The following PTPRD variants were observed in gnomAD, a reference collection of about 807,000 sequenced individuals.
PTPRD encodes receptor-type tyrosine-protein phosphatase delta.
A neutral mutation model predicts 214.5 loss-of-function variants in PTPRD; 34 were observed. The observed-to-expected ratio is 0.16, with a 90% CI of 0.12 to 0.21. The LOEUF (loss-of-function observed/expected upper bound fraction) is 0.21. Among genes scored for constraint, PTPRD ranks in the 10% least tolerant of loss-of-function variants. PTPRD has a pLI of 1.00. For missense variants in PTPRD, 2,545 were observed against 2,398.7 expected (o/e 1.06, Z -1.27); for synonymous variants, 1,128 against 845.7 (o/e 1.33, Z -5.79).
intron 7 of PTPRD, among the ~76,000 whole-genome samples, chr9:9,641,508 A>C (rs891574298): frequency 1.3e-5 from 2 of 152,180 alleles, no homozygotes; most frequent in African/African-American, 4.8e-5. Context: ...GGAAAGTACC[A>C]TAGTGTGTCA....
intron 11 of PTPRD, among the ~76,000 whole-genome samples, chr9:8,888,280 A>G (rs1221972808): frequency 6.6e-6 from 1 of 152,190 alleles, no homozygotes; most frequent in Non-Finnish European, 1.5e-5. Context: ...ACATAGTAAT[A>G]CCGTTCATTT....
At chr9:10,222,959 G>C (rs968865036) in intron 3 of PTPRD, among the ~76,000 whole-genome samples, 1 of 152,028 alleles carries the variant, frequency 6.6e-6, no homozygotes, top group African/African-American at 2.4e-5. Context: ...GTCAGAAGAG[G>C]TGTTGAGGTT....
chr9:8,924,623 C>CCTCT (rs2098854554), intron 11 of PTPRD, among the ~76,000 whole-genome samples: 1 of 152,000 alleles, frequency 6.6e-6, no homozygotes, highest in African/African-American at 2.4e-5. Flanking sequence ...TCCATGGAGG[C>CCTCT]CTCTCCATCA....
chr9:10,289,232 A>G (rs2095458137), intron 3 of PTPRD, among the ~76,000 whole-genome samples: 1 of 152,126 alleles, frequency 6.6e-6, no homozygotes, highest in African/African-American at 2.4e-5. Context: ...TTCATATACT[A>G]TGTATTATTT....
Position 10,412,633 on chromosome 9 carries a change from A to AAC in PTPRD, c.-599-71618_-599-71617dup, listed in dbSNP as rs150312961. On this transcript the variant is annotated intron_variant, in intron 2 of 45. Coordinates refer to ENST00000381196, the MANE Select transcript of PTPRD (RefSeq NM_002839.4). ...ACACACGCACGCACACACACACACAAACACACACACACACACACACACACA... is the reference window on the plus strand; with the variant it reads ...ACACACGCACGCACACACACACACAAACACACACACACACACACACACACACA... 4.3e-3 allele frequency among the ~76,000 whole-genome samples: 633 copies of AAC among 147,838 alleles called. 3 individuals carry two copies. Among genetic ancestry groups the AAC allele is most frequent in the African/African-American group, 8.3e-3 (333 of 40,136 alleles).
chr9:9,843,649 T>C (rs1051512131), intron 5 of PTPRD, among the ~76,000 whole-genome samples: 1 of 151,988 alleles, frequency 6.6e-6, no homozygotes, highest in African/African-American at 2.4e-5. Context: ...GTAACAGCAA[T>C]AGATGAATAT....
At chr9:9,859,781 T>C (rs1278459251) in intron 5 of PTPRD, among the ~76,000 whole-genome samples, 5 of 152,194 alleles carry the variant, frequency 3.3e-5, no homozygotes, top group African/African-American at 1.2e-4. Flanking sequence ...ACGGTATCCT[T>C]ACCAAAGTAA....
intron 11 of PTPRD, among the ~76,000 whole-genome samples, chr9:9,000,685 C>G (rs564069029): frequency 6.6e-6 from 1 of 152,020 alleles, no homozygotes; most frequent in South Asian, 2.1e-4. Context: ...CCTTAGATGG[C>G]TATTATGCAC....
chr9:8,467,641 A>T (rs1433452881), intron 31 of PTPRD, among the ~76,000 whole-genome samples: 1 of 151,922 alleles, frequency 6.6e-6, no homozygotes, highest in East Asian at 1.9e-4. Flanking sequence ...ACACAATATC[A>T]TAAGGAAATA....
At chr9:10,238,797 G>C (rs2099637399) in intron 3 of PTPRD, among the ~76,000 whole-genome samples, 1 of 151,918 alleles carries the variant, frequency 6.6e-6, no homozygotes, top group Non-Finnish European at 1.5e-5. Flanking sequence ...TGGGATAATT[G>C]AATAATGTTT....
intron 9 of PTPRD, among the ~76,000 whole-genome samples, chr9:9,289,426 T>A (rs973263557): frequency 6.6e-6 from 1 of 151,920 alleles, no homozygotes; most frequent in African/African-American, 2.4e-5. Context: ...CATTCTGTCA[T>A]GATTTTCATA....
At chr9:8,535,045 G>T (rs2076595221) in intron 14 of PTPRD, among the ~76,000 whole-genome samples, 1 of 151,794 alleles carries the variant, frequency 6.6e-6, no homozygotes, top group Admixed American at 6.6e-5. Flanking sequence ...TGATTTAATT[G>T]TATCTGCAGG....
At chr9:9,460,925 G>C (rs987160563) in intron 8 of PTPRD, among the ~76,000 whole-genome samples, 1 of 151,984 alleles carries the variant, frequency 6.6e-6, no homozygotes, top group African/African-American at 2.4e-5. Flanking sequence ...AGCAACCTAA[G>C]TGTCCGTCAG....
At chr9:9,028,984 T>G (rs2099596070) in intron 10 of PTPRD, among the ~76,000 whole-genome samples, 1 of 151,938 alleles carries the variant, frequency 6.6e-6, no homozygotes, top group Non-Finnish European at 1.5e-5. Context: ...TGGTAGCCAC[T>G]AGTCACATAT....
chr9:10,049,441 A>AAAGAAAGG (rs1555515325), intron 3 of PTPRD, among the ~76,000 whole-genome samples: 1 of 110,990 alleles, frequency 9.0e-6, no homozygotes, highest in Non-Finnish European at 1.7e-5. Flanking sequence ...GAAAGAAAAG[A>AAAGAAAGG]AAAAAAAAAA....
At chr9:10,050,119 A>C (rs1293183404) in intron 3 of PTPRD, among the ~76,000 whole-genome samples, 1 of 152,132 alleles carries the variant, frequency 6.6e-6, no homozygotes, top group Non-Finnish European at 1.5e-5. Context: ...GACCAATGGG[A>C]ATTAGAGAAG....
chr9:9,104,309 A>T (rs986359954), intron 10 of PTPRD, among the ~76,000 whole-genome samples: 24 of 152,200 alleles, frequency 1.6e-4, no homozygotes, highest in African/African-American at 5.5e-4. Flanking sequence ...ATTCTTTTGA[A>T]TTTTTTTCCC....
chr9:9,200,082 T>C lies in PTPRD; in HGVS notation c.-202-16719A>G, dbSNP rs145995545. 2.0e-3 allele frequency among the ~76,000 whole-genome samples: 310 copies of C among 152,328 alleles called. 2 individuals carry two copies. Among genetic ancestry groups the C allele is most frequent in the African/African-American group, 6.9e-3 (286 of 41,584 alleles). ...TCAGGGCATGGTTGAAGGCTAATGT[T>C]GACTCCCACTGTCTGTTAGCGAGGA... On this transcript the variant is annotated intron_variant, in intron 9 of 45. Coordinates refer to ENST00000381196, the MANE Select transcript of PTPRD (RefSeq NM_002839.4).
chr9:9,933,828 G>A (rs2087904594), intron 5 of PTPRD, among the ~76,000 whole-genome samples: 1 of 149,682 alleles, frequency 6.7e-6, no homozygotes, highest in Non-Finnish European at 1.5e-5. Flanking sequence ...ATACTTGGAA[G>A]TAAAGGTCTC....
Sources: gnomAD v4.1 joint callset for allele counts (sites outside exome capture counted in the v4.1 genomes callset) on GRCh38, gnomAD v4.1.1 for gene constraint, MANE v1.5 for transcripts, NCBI Gene and HGNC (gene_info 2026-07-23, HGNC 2026-07-21) for gene names.